The following TTC7B variants were observed in gnomAD, a reference collection of about 807,000 sequenced individuals.
The protein encoded by TTC7B is tetratricopeptide repeat protein 7B.
In TTC7B, 28 loss-of-function variants were observed where a neutral mutation model predicts 106.8. The observed-to-expected ratio is 0.26, with a 90% CI of 0.19 to 0.36. TTC7B has a LOEUF of 0.36. Among genes scored for constraint, TTC7B ranks in the 10% least tolerant of loss-of-function variants. The pLI is 1.00. For synonymous variants in TTC7B, 405 were observed against 430.6 expected (o/e 0.94, Z 0.74); for missense variants, 862 against 1,076.4 (o/e 0.80, Z 2.79).
At chr14:90,715,098 A>C (rs1888602790) in intron 5 of TTC7B, among the ~76,000 whole-genome samples, 1 of 152,132 alleles carries the variant, frequency 6.6e-6, no homozygotes. Flanking sequence ...TGCTTATCTC[A>C]AATTGGCCAG....
chr14:90,756,014 C>T (rs1890281547), intron 3 of TTC7B, among the ~76,000 whole-genome samples: 1 of 152,244 alleles, frequency 6.6e-6, no homozygotes, highest in Non-Finnish European at 1.5e-5. Context: ...CATATTCCCA[C>T]CGTTCAAAAT....
At chr14:90,768,554 A>T (rs1890762539) in intron 3 of TTC7B, among the ~76,000 whole-genome samples, 2 of 152,212 alleles carry the variant, frequency 1.3e-5, no homozygotes, top group Non-Finnish European at 2.9e-5. Flanking sequence ...TGAGATCTGA[A>T]TGGGGACACA....
chr14:90,710,993 C>T (rs1043613497), intron 5 of TTC7B, among the ~76,000 whole-genome samples: 12 of 152,208 alleles, frequency 7.9e-5, no homozygotes, highest in Non-Finnish European at 1.6e-4. Context: ...AATTCTATAT[C>T]CAGTAAAACT....
chr14:90,551,263 A>G (rs570495719), intron 19 of TTC7B, among the ~76,000 whole-genome samples: 3 of 152,280 alleles, frequency 2.0e-5, no homozygotes, highest in Admixed American at 6.5e-5. Context: ...GGCCTGGCCC[A>G]GGGCCAGCCT....
intron 3 of TTC7B, chr14:90,766,430 T>C (rs1890684492): frequency 5.2e-6 from 3 of 571,876 alleles, no homozygotes; most frequent in African/African-American, 1.9e-5. Context: ...AAATGATGTA[T>C]GAACAAAATT....
chr14:90,596,310 A>G (rs1892200967), intron 17 of TTC7B, among the ~76,000 whole-genome samples: 1 of 152,232 alleles, frequency 6.6e-6, no homozygotes, highest in Non-Finnish European at 1.5e-5. Context: ...TGTTTGGTCC[A>G]CAAATAAATA....
intron 7 of TTC7B, among the ~76,000 whole-genome samples, chr14:90,682,063 C>A: frequency 6.6e-6 from 1 of 152,202 alleles, no homozygotes; most frequent in East Asian, 1.9e-4. Context: ...CAATCATTTC[C>A]TGATATCCTG....
At chr14:90,554,490 C>G (rs1890218236) in intron 19 of TTC7B, among the ~76,000 whole-genome samples, 1 of 152,240 alleles carries the variant, frequency 6.6e-6, no homozygotes, top group Admixed American at 6.5e-5. Flanking sequence ...TTCCTCCCCT[C>G]TACAAACACT....
intron 16 of TTC7B, among the ~76,000 whole-genome samples, chr14:90,611,977 G>A (rs369513791): frequency 8.5e-5 from 13 of 152,278 alleles, no homozygotes; most frequent in African/African-American, 2.2e-4. Flanking sequence ...TTGTGAAGAA[G>A]TTCAGATTCT....
intron 15 of TTC7B, among the ~76,000 whole-genome samples, chr14:90,618,301 A>G (rs1893172138): frequency 6.6e-6 from 1 of 152,252 alleles, no homozygotes; most frequent in Non-Finnish European, 1.5e-5. Flanking sequence ...TAGAGTGGCC[A>G]ATTTTATTCA....
chr14:90,732,159 T>G (rs970646832), intron 4 of TTC7B, among the ~76,000 whole-genome samples: 2 of 152,220 alleles, frequency 1.3e-5, no homozygotes, highest in Non-Finnish European at 2.9e-5. Context: ...TAGTTTTAAA[T>G]TTAAATCATT....
At chr14:90,547,614 G>A (rs767637025) in intron 19 of TTC7B, among the ~76,000 whole-genome samples, 2 of 152,148 alleles carry the variant, frequency 1.3e-5, no homozygotes, top group Non-Finnish European at 2.9e-5. Flanking sequence ...TGGGCAACAT[G>A]GTGAAACTCC....
intron 18 of TTC7B, among the ~76,000 whole-genome samples, chr14:90,592,481 G>T (rs994035207): frequency 3.9e-5 from 6 of 152,198 alleles, no homozygotes; most frequent in Non-Finnish European, 8.8e-5. Context: ...GGCCAAGGTG[G>T]ACGGATCACC....
At chr14:90,626,744 T>C (rs1364633652) in intron 15 of TTC7B, among the ~76,000 whole-genome samples, 1 of 152,152 alleles carries the variant, frequency 6.6e-6, no homozygotes. Flanking sequence ...TTTTCATCCA[T>C]CAAACCTGAG....
At chr14:90,586,272 C>CT (rs1440763013) in intron 18 of TTC7B, among the ~76,000 whole-genome samples, 5 of 152,130 alleles carry the variant, frequency 3.3e-5, no homozygotes, top group Admixed American at 2.6e-4. Flanking sequence ...GCTCCTCAAT[C>CT]TTTTTTTCTT....
intron 15 of TTC7B, among the ~76,000 whole-genome samples, chr14:90,641,871 G>T (rs927232272): frequency 6.6e-5 from 10 of 152,036 alleles, no homozygotes; most frequent in Non-Finnish European, 1.3e-4. Flanking sequence ...GACACCCTAG[G>T]CTATGGAAGA....
intron 3 of TTC7B, among the ~76,000 whole-genome samples, chr14:90,754,284 C>T (rs557146354): frequency 6.6e-6 from 1 of 152,330 alleles, no homozygotes; most frequent in South Asian, 2.1e-4. Flanking sequence ...CTCTACCTCA[C>T]ACTCTCGTCT....
rs185997263 is a variant in TTC7B at position 90,544,204 on chromosome 14, C to T, written c.2311-2615G>A. ...CCTCAGGTAGAGATGGCTGCCCTCC[C>T]CCGTCTGGGAACAGCAGGCTTCAGG... On this transcript the variant is annotated intron_variant, in intron 19 of 19. Transcript: ENST00000328459. 1.5e-3 allele frequency among the ~76,000 whole-genome samples: 226 copies of T among 152,354 alleles called. 2 individuals are homozygous for T. The highest frequency in any genetic ancestry group is 3.4e-3 in the Middle Eastern group (1 of 294).
chr14:90,786,363 G>C (rs1392981014), intron 1 of TTC7B, 35 bp from the exon 2 acceptor site: 1 of 1,608,892 alleles, frequency 6.2e-7, no homozygotes, highest in Non-Finnish European at 8.5e-7. Flanking sequence ...GTGGGAGCAA[G>C]GAATGGCCTG....
Sources: allele counts gnomAD v4.1 joint callset (sites outside exome capture counted in the v4.1 genomes callset), GRCh38; gene constraint gnomAD v4.1.1; transcripts MANE v1.5; gene names NCBI Gene and HGNC (gene_info 2026-07-23, HGNC 2026-07-21).